Variants in LYZL4 observed in about 807,000 individuals in gnomAD.
LYZL4 encodes the protein lysozyme like 4.
A neutral mutation model predicts 17.6 loss-of-function variants in LYZL4; 13 were observed. That is an observed-to-expected ratio of 0.74 (90% confidence interval 0.48 to 1.18). The LOEUF is 1.18. Ranked by LOEUF, LYZL4 falls within the 50% of genes most tolerant of loss-of-function variation. The pLI is 0.00. For missense variants in LYZL4, 174 were observed against 188.2 expected (o/e 0.92, Z 0.44); for synonymous variants, 64 against 67.7 (o/e 0.95, Z 0.27).
At chr3:42,403,987 A>G in intron 4 of LYZL4, 59 bp downstream of exon 4, 2 of 1,233,268 alleles carry the variant, frequency 1.6e-6, no homozygotes, top group Admixed American at 1.9e-5. Context: ...GCCAAGATTC[A>G]GATTAGAGAT....
the LYZL4 span, among the ~76,000 whole-genome samples, chr3:42,369,035 C>G: frequency 6.6e-6 from 1 of 152,182 alleles, no homozygotes; most frequent in Non-Finnish European, 1.5e-5. Flanking sequence ...AAGCTTAAAT[C>G]CCCAGCACAG....
At chr3:42,400,949 C>T (rs189826356) in intron 4 of LYZL4, among the ~76,000 whole-genome samples, 43 of 152,242 alleles carry the variant, frequency 2.8e-4, no homozygotes, top group Non-Finnish European at 5.1e-4. Flanking sequence ...ACACTCACAC[C>T]AGCAAAATCT....
chr3:42,367,899 G>A, the LYZL4 span, among the ~76,000 whole-genome samples: 7 of 152,180 alleles, frequency 4.6e-5, no homozygotes, highest in Non-Finnish European at 1.0e-4. Flanking sequence ...AAAAATAAAA[G>A]TCACCTACAG....
At chr3:42,397,449 T>G (rs1678737123) in intron 4 of LYZL4, 115 bp from the exon 5 acceptor site, 4 of 685,614 alleles carry the variant, frequency 5.8e-6, no homozygotes, top group Non-Finnish European at 7.7e-6. Flanking sequence ...CCTTTGAGTT[T>G]TCCACCTCTG....
In LYZL4 at chr3:42,403,881, C is replaced by T. The variant is rs116717632; in HGVS notation, c.371+165G>A. On this transcript the variant is annotated intron_variant, in intron 4 of 4. Coordinates refer to ENST00000287748, the MANE Select transcript of LYZL4 (RefSeq NM_144634.4). ...AATTTCTCTGATAATTATTTCCTTC[C>T]CTCTGTGGCCTTGAGGTTGTGGTTT... Among the ~76,000 whole-genome samples, 1,206 of 152,172 alleles carry T rather than the reference C, an allele frequency of 7.9e-3. 14 individuals are homozygous for T. The highest frequency in any genetic ancestry group is 0.023 in the African/African-American group (937 of 41,484).
chr3:42,386,407 C>CAG, the LYZL4 span, among the ~76,000 whole-genome samples: 1 of 118,938 alleles, frequency 8.4e-6, no homozygotes, highest in East Asian at 2.6e-4. Context: ...CCCCCCCCCC[C>CAG]CCCCCGCCTC....
the LYZL4 span, among the ~76,000 whole-genome samples, chr3:42,384,171 G>C: frequency 6.6e-6 from 1 of 152,134 alleles, no homozygotes; most frequent in African/African-American, 2.4e-5. Flanking sequence ...CAATATTCTA[G>C]AGGAAAATTA....
At chr3:42,372,548 T>G in the LYZL4 span, among the ~76,000 whole-genome samples, 3 of 152,162 alleles carry the variant, frequency 2.0e-5, no homozygotes, top group African/African-American at 7.2e-5. Context: ...CTGAGAACAG[T>G]GAGAGTTCAG....
At chr3:42,385,812 G>A in the LYZL4 span, among the ~76,000 whole-genome samples, 2 of 152,140 alleles carry the variant, frequency 1.3e-5, no homozygotes, top group Admixed American at 6.5e-5. Flanking sequence ...TCAGGCACCC[G>A]ATAAATAGTA....
In LYZL4 at chr3:42,404,078, G is replaced by T. The variant is rs1698706658; in HGVS notation, c.339C>A (p.Thr113=). Residue 113 remains threonine (T), a synonymous_variant, in exon 4 of 5, where the codon ACC becomes ACA. Coordinates refer to ENST00000287748, the MANE Select transcript of LYZL4 (RefSeq NM_144634.4). The stretch of plus-strand genomic sequence containing the variant: ...CCATCCCTTCTTTTCCTTTTACAAT[G>T]GTCTTGGCACATTTAATTGTCTTCT... The part of the protein sequence containing the change: ...NLEKTIKCAK[T]IVKGKEGMGA... 6.2e-7 allele frequency: 1 copy of T among 1,612,672 alleles called. No homozygotes were observed. Among genetic ancestry groups the T allele is most frequent in the Non-Finnish European group, 8.5e-7 (1 of 1,178,926 alleles).
At chr3:42,387,434 C>T in the LYZL4 span, among the ~76,000 whole-genome samples, 1 of 152,174 alleles carries the variant, frequency 6.6e-6, no homozygotes, top group Non-Finnish European at 1.5e-5. Flanking sequence ...CATGTATTGC[C>T]TCTCACAGTA....
chr3:42,373,949 G>C, the LYZL4 span, among the ~76,000 whole-genome samples: 1 of 152,012 alleles, frequency 6.6e-6, no homozygotes, highest in African/African-American at 2.4e-5. Flanking sequence ...CTAAATGTAA[G>C]GATAATGAAA....
the LYZL4 span, among the ~76,000 whole-genome samples, chr3:42,364,928 G>A: frequency 6.6e-6 from 1 of 152,218 alleles, no homozygotes; most frequent in African/African-American, 2.4e-5. Flanking sequence ...TTTAGCCTTG[G>A]TCTTGCCTTG....
the LYZL4 span, among the ~76,000 whole-genome samples, chr3:42,388,743 G>A: frequency 0.023 from 3,537 of 152,360 alleles, 57 homozygotes; most frequent in Non-Finnish European, 0.038. Flanking sequence ...GGGATCTCTT[G>A]TAAAAATGAC....
the LYZL4 span, among the ~76,000 whole-genome samples, chr3:42,363,734 A>T: frequency 9.8e-5 from 15 of 152,344 alleles, no homozygotes; most frequent in African/African-American, 3.6e-4. Context: ...GGGCGGACAG[A>T]AAAAGCATCA....
downstream of LYZL4, among the ~76,000 whole-genome samples, chr3:42,392,516 A>AT (rs563573225): frequency 1.3e-5 from 2 of 152,250 alleles, no homozygotes; most frequent in East Asian, 1.9e-4. Flanking sequence ...ATTTTGTGGG[A>AT]TTTTTTCTTC....
downstream of LYZL4, among the ~76,000 whole-genome samples, chr3:42,395,898 T>TA (rs1559452897): frequency 6.6e-6 from 1 of 151,924 alleles, no homozygotes; most frequent in Admixed American, 6.5e-5. Flanking sequence ...CCGTCTTTAC[T>TA]AAAAATACAA....
chr3:42,391,515 T>C, the LYZL4 span, among the ~76,000 whole-genome samples: 1 of 152,186 alleles, frequency 6.6e-6, no homozygotes, highest in African/African-American at 2.4e-5. Context: ...TCATGTCAAA[T>C]GCTGCTGAGG....
chr3:42,374,247 G>C, the LYZL4 span, among the ~76,000 whole-genome samples: 1 of 152,206 alleles, frequency 6.6e-6, no homozygotes, highest in Non-Finnish European at 1.5e-5. Flanking sequence ...TGATCGATTT[G>C]CTGTGGGTTG....
Sources: gnomAD v4.1 joint callset for allele counts (sites outside exome capture counted in the v4.1 genomes callset) on GRCh38, gnomAD v4.1.1 for gene constraint, MANE v1.5 for transcripts, NCBI Gene and HGNC (gene_info 2026-07-23, HGNC 2026-07-21) for gene names.